Variants in ISM1 observed in about 807,000 individuals in gnomAD.
The protein encoded by ISM1 is isthmin 1.
In ISM1, 25 loss-of-function variants were observed where a neutral mutation model predicts 46.3. The ratio of observed to expected loss-of-function variants is 0.54; its 90% CI spans 0.39 to 0.75. The LOEUF (loss-of-function observed/expected upper bound fraction) is 0.75. ISM1 is among the 30% of genes least tolerant of loss of function. The pLI is 0.00. For synonymous variants in ISM1, 255 were observed against 256.7 expected (o/e 0.99, Z 0.06); for missense variants, 536 against 625.4 (o/e 0.86, Z 1.52).
chr20:13,324,485 C>T, the ISM1 span, among the ~76,000 whole-genome samples: 1 of 152,164 alleles, frequency 6.6e-6, no homozygotes, highest in Non-Finnish European at 1.5e-5. Context: ...TTTAAATTTA[C>T]ATCCTTACTT....
chr20:13,242,298 A>G (rs1383665314), intron 1 of ISM1, among the ~76,000 whole-genome samples: 1 of 152,194 alleles, frequency 6.6e-6, no homozygotes, highest in Non-Finnish European at 1.5e-5. Flanking sequence ...TGAACGGAGA[A>G]TGACCAGAAA....
chr20:13,313,465 G>A, the ISM1 span, among the ~76,000 whole-genome samples: 1 of 152,154 alleles, frequency 6.6e-6, no homozygotes, highest in Non-Finnish European at 1.5e-5. Context: ...AGTCAATTGG[G>A]CTGTTTCTGC....
intron 1 of ISM1, among the ~76,000 whole-genome samples, chr20:13,240,375 C>A (rs539106132): frequency 6.6e-6 from 1 of 152,224 alleles, no homozygotes; most frequent in South Asian, 2.1e-4. Flanking sequence ...CAAGGAAGGA[C>A]TTGATGGAAA....
intron 2 of ISM1, among the ~76,000 whole-genome samples, chr20:13,272,527 T>C (rs532224706): frequency 1.6e-4 from 25 of 152,174 alleles, no homozygotes; most frequent in Non-Finnish European, 2.9e-4. Flanking sequence ...AGGGGGTGGA[T>C]CTCAATAGGT....
chr20:13,225,664 G>A (rs1600474439), intron 1 of ISM1, among the ~76,000 whole-genome samples: 1 of 152,144 alleles, frequency 6.6e-6, no homozygotes, highest in Non-Finnish European at 1.5e-5. Context: ...AAATAAAAAT[G>A]TTAGTCTTTG....
intron 1 of ISM1, among the ~76,000 whole-genome samples, chr20:13,255,539 G>A (rs1248966713): frequency 1.3e-5 from 2 of 152,212 alleles, no homozygotes; most frequent in Non-Finnish European, 2.9e-5. Flanking sequence ...AGAGAAGGCA[G>A]TATCTAAATA....
At chr20:13,324,787 T>A in the ISM1 span, among the ~76,000 whole-genome samples, 108 of 152,220 alleles carry the variant, frequency 7.1e-4, 1 homozygote, top group South Asian at 0.022. Context: ...CTAAACAAAT[T>A]ATTAGATATT....
intron 1 of ISM1, among the ~76,000 whole-genome samples, chr20:13,233,578 A>G (rs2039614331): frequency 1.3e-5 from 2 of 150,534 alleles, no homozygotes; most frequent in South Asian, 2.1e-4. Context: ...CTGGGCAACA[A>G]GAGCGAAACT....
At chr20:13,291,582 G>A (rs1050134982) in intron 4 of ISM1, among the ~76,000 whole-genome samples, 2 of 152,138 alleles carry the variant, frequency 1.3e-5, no homozygotes, top group Admixed American at 6.5e-5. Flanking sequence ...AGCTTGCACC[G>A]GATTCCTGAT....
the ISM1 span, among the ~76,000 whole-genome samples, chr20:13,326,166 G>C: frequency 6.6e-6 from 1 of 152,160 alleles, no homozygotes; most frequent in Non-Finnish European, 1.5e-5. Context: ...TTATTGCTGA[G>C]TAGCATTCCA....
intron 5 of ISM1, among the ~76,000 whole-genome samples, chr20:13,293,454 C>A (rs2040375183): frequency 6.6e-6 from 1 of 151,850 alleles, no homozygotes; most frequent in Admixed American, 6.6e-5. Context: ...CTTACTTAGC[C>A]TCTTCACCTC....
the ISM1 span, among the ~76,000 whole-genome samples, chr20:13,315,580 T>C: frequency 6.6e-6 from 1 of 152,012 alleles, no homozygotes; most frequent in Non-Finnish European, 1.5e-5. Flanking sequence ...GAATCCATTA[T>C]CATAGTTACA....
intron 1 of ISM1, among the ~76,000 whole-genome samples, chr20:13,250,737 G>C (rs2039859642): frequency 6.6e-6 from 1 of 152,200 alleles, no homozygotes. Flanking sequence ...CTTTGGAACG[G>C]AGTAATTGGC....
intron 2 of ISM1, among the ~76,000 whole-genome samples, chr20:13,274,730 G>C (rs550355821): frequency 1.3e-4 from 17 of 128,044 alleles, no homozygotes; most frequent in African/African-American, 5.0e-4. Flanking sequence ...CCTTCTAAAA[G>C]CCCCAACACC....
At chr20:13,286,191 T>A (rs1286889561) in intron 3 of ISM1, among the ~76,000 whole-genome samples, 1 of 152,192 alleles carries the variant, frequency 6.6e-6, no homozygotes, top group Non-Finnish European at 1.5e-5. Flanking sequence ...TGTGACTGGG[T>A]GAGTGCTCAT....
intron 1 of ISM1, among the ~76,000 whole-genome samples, chr20:13,243,653 TA>T (rs34230787): frequency 7.9e-5 from 12 of 151,344 alleles, no homozygotes; most frequent in African/African-American, 2.7e-4. Context: ...AAGCTATGAA[TA>T]AAAAAAAATT....
chr20:13,246,361 A>T (rs1397774233), intron 1 of ISM1, among the ~76,000 whole-genome samples: 2 of 151,768 alleles, frequency 1.3e-5, no homozygotes, highest in African/African-American at 4.8e-5. Flanking sequence ...CCACTGAGTG[A>T]ATATTGCATT....
chr20:13,300,868 T>C (rs78148831), downstream of ISM1, among the ~76,000 whole-genome samples: 7,909 of 152,288 alleles, frequency 0.052, 300 homozygotes, highest in Non-Finnish European at 0.077. Flanking sequence ...GTGTGACTTT[T>C]TGCCCGCCCA....
intron 1 of ISM1, among the ~76,000 whole-genome samples, chr20:13,255,739 T>C (rs563095998): frequency 6.6e-6 from 1 of 152,180 alleles, no homozygotes; most frequent in Non-Finnish European, 1.5e-5. Context: ...CAGCCATTAC[T>C]TGCCCCCTCA....
Sources: gnomAD v4.1 joint callset for allele counts (sites outside exome capture counted in the v4.1 genomes callset) on GRCh38, gnomAD v4.1.1 for gene constraint, MANE v1.5 for transcripts, NCBI Gene and HGNC (gene_info 2026-07-23, HGNC 2026-07-21) for gene names.